Variants in ZFPM2 observed in about 807,000 individuals in gnomAD.
ZFPM2 encodes the protein zinc finger protein, FOG family member 2, also known as zinc finger protein ZFPM2.
Under a neutral mutation model 98.6 loss-of-function variants are expected in ZFPM2, and 20 were observed. The observed-to-expected ratio is 0.20, with a 90% CI of 0.14 to 0.29. The LOEUF (loss-of-function observed/expected upper bound fraction) is 0.29. Among genes scored for constraint, ZFPM2 ranks in the 10% least tolerant of loss-of-function variants. The probability of loss-of-function intolerance (pLI) is 1.00; values close to 1 mark genes in which losing one functional copy is unlikely to be tolerated. For synonymous variants in ZFPM2, 518 were observed against 502.7 expected (o/e 1.03, Z -0.41); for missense variants, 1,310 against 1,388.6 (o/e 0.94, Z 0.90).
intron 3 of ZFPM2, among the ~76,000 whole-genome samples, chr8:105,468,125 C>T (rs564445984): frequency 6.6e-5 from 10 of 152,018 alleles, no homozygotes; most frequent in Non-Finnish European, 1.5e-4. Context: ...CTTACTTCTT[C>T]GGTGTCCAGG....
chr8:105,665,203 C>T (rs1817466482), intron 5 of ZFPM2, among the ~76,000 whole-genome samples: 1 of 151,998 alleles, frequency 6.6e-6, no homozygotes, highest in Non-Finnish European at 1.5e-5. Context: ...TAAACTGTTC[C>T]CCCAAGAAAG....
At chr8:105,422,102 T>C (rs1038759538) in intron 2 of ZFPM2, among the ~76,000 whole-genome samples, 3 of 147,386 alleles carry the variant, frequency 2.0e-5, no homozygotes, top group African/African-American at 5.0e-5. Flanking sequence ...ACAATGCCAG[T>C]GTCATTACTG....
At chr8:105,641,733 A>G (rs1254925969) in intron 5 of ZFPM2, among the ~76,000 whole-genome samples, 2 of 152,122 alleles carry the variant, frequency 1.3e-5, no homozygotes, top group Admixed American at 6.6e-5. Flanking sequence ...AGTTATTACT[A>G]CTATATGCTA....
Position 105,383,106 on chromosome 8 carries a change from C to A in ZFPM2, c.41-36038C>A, listed in dbSNP as rs73300184. 5.8e-3 allele frequency among the ~76,000 whole-genome samples: 875 copies of A among 152,126 alleles called. 8 individuals are homozygous for A. The highest frequency in any genetic ancestry group is 0.02 in the African/African-American group (811 of 41,504). On this transcript the variant is annotated intron_variant, in intron 1 of 7. Coordinates refer to ENST00000407775, the MANE Select transcript of ZFPM2 (RefSeq NM_012082.4). ...GAAAAATATCATGCCTGGGGTTGGG[C>A]TTTGCCTGAGCTTTAAAGAAAAGAC...
At chr8:105,438,110 A>G (rs2130177533) in intron 2 of ZFPM2, among the ~76,000 whole-genome samples, 1 of 152,308 alleles carries the variant, frequency 6.6e-6, no homozygotes, top group South Asian at 2.1e-4. Context: ...TCAGGATATT[A>G]AACATACAGA....
chr8:105,646,764 A>C (rs1817056163), intron 5 of ZFPM2, among the ~76,000 whole-genome samples: 1 of 152,108 alleles, frequency 6.6e-6, no homozygotes, highest in African/African-American at 2.4e-5. Context: ...TGCAGCCAGC[A>C]TTCTGAAGGA....
intron 1 of ZFPM2, among the ~76,000 whole-genome samples, chr8:105,363,468 T>C (rs1810446822): frequency 6.6e-6 from 1 of 152,164 alleles, no homozygotes; most frequent in Non-Finnish European, 1.5e-5. Context: ...AAAACTAACA[T>C]GTATTATGTG....
intron 1 of ZFPM2, among the ~76,000 whole-genome samples, chr8:105,323,497 C>A (rs947203608): frequency 3.3e-5 from 5 of 151,736 alleles, no homozygotes; most frequent in Admixed American, 2.6e-4. Flanking sequence ...ATTAAAGGAA[C>A]CTGTATTCTG....
chr8:105,394,512 G>A (rs1159066261), intron 1 of ZFPM2, among the ~76,000 whole-genome samples: 1 of 152,198 alleles, frequency 6.6e-6, no homozygotes, highest in Non-Finnish European at 1.5e-5. Flanking sequence ...ACACTGTATA[G>A]AATGTAATTC....
At chr8:105,743,168 T>G (rs758153946) in intron 5 of ZFPM2, among the ~76,000 whole-genome samples, 1 of 152,006 alleles carries the variant, frequency 6.6e-6, no homozygotes, top group Non-Finnish European at 1.5e-5. Context: ...AAAGTCAGCA[T>G]CTATTCTTGA....
At chr8:105,491,536 T>C (rs1813356208) in intron 3 of ZFPM2, among the ~76,000 whole-genome samples, 1 of 152,300 alleles carries the variant, frequency 6.6e-6, no homozygotes, top group East Asian at 1.9e-4. Context: ...TGAATTTCAA[T>C]GTTGGCCTCA....
At chr8:105,486,007 A>G (rs1813224055) in intron 3 of ZFPM2, among the ~76,000 whole-genome samples, 1 of 152,070 alleles carries the variant, frequency 6.6e-6, no homozygotes, top group African/African-American at 2.4e-5. Context: ...CTATCACCTG[A>G]GCTTTGGATG....
At chr8:105,764,999 C>T (rs1369379983) in intron 5 of ZFPM2, among the ~76,000 whole-genome samples, 1 of 151,788 alleles carries the variant, frequency 6.6e-6, no homozygotes, top group African/African-American at 2.4e-5. Context: ...GTACTAAGTC[C>T]TCTGTTTCAT....
intron 3 of ZFPM2, 81 bp from the exon 4 acceptor site, chr8:105,561,282 G>T (rs1314735041): frequency 2.8e-6 from 3 of 1,054,630 alleles, no homozygotes; most frequent in Non-Finnish European, 4.3e-6. Context: ...TATCATGTGT[G>T]TAAAGCAAAC....
At chr8:105,412,694 C>T (rs1811601213) in intron 1 of ZFPM2, among the ~76,000 whole-genome samples, 1 of 151,322 alleles carries the variant, frequency 6.6e-6, no homozygotes, top group South Asian at 2.1e-4. Flanking sequence ...TTTTAGACTA[C>T]AGAAATAAGA....
At chr8:105,429,800 C>G (rs1433662207) in intron 2 of ZFPM2, among the ~76,000 whole-genome samples, 1 of 151,582 alleles carries the variant, frequency 6.6e-6, no homozygotes, top group East Asian at 1.9e-4. Context: ...TGCTGGGTGA[C>G]TTTTAAGGTG....
At chr8:105,423,505 A>G (rs1476575187) in intron 2 of ZFPM2, among the ~76,000 whole-genome samples, 1 of 152,236 alleles carries the variant, frequency 6.6e-6, no homozygotes, top group Non-Finnish European at 1.5e-5. Flanking sequence ...AGTACGTGGC[A>G]TCTTGCCTTA....
intron 5 of ZFPM2, among the ~76,000 whole-genome samples, chr8:105,668,187 TG>T (rs1817524175): frequency 6.6e-6 from 1 of 152,208 alleles, no homozygotes; most frequent in African/African-American, 2.4e-5. Context: ...AATTGGGAAA[TG>T]GCTCAGGTGT....
At chr8:105,333,440 G>A (rs1272473387) in intron 1 of ZFPM2, among the ~76,000 whole-genome samples, 2 of 151,746 alleles carry the variant, frequency 1.3e-5, no homozygotes, top group East Asian at 3.9e-4. Context: ...ATATGCATTA[G>A]CTTAGTTTTA....
Sources: gnomAD v4.1 joint callset for allele counts (sites outside exome capture counted in the v4.1 genomes callset) on GRCh38, gnomAD v4.1.1 for gene constraint, MANE v1.5 for transcripts, NCBI Gene and HGNC (gene_info 2026-07-23, HGNC 2026-07-21) for gene names.